The following ZC3H12B variants were observed in gnomAD, a reference collection of about 807,000 sequenced individuals.
ZC3H12B encodes probable ribonuclease ZC3H12B.
In ZC3H12B, 7 loss-of-function variants were observed where a neutral mutation model predicts 43.9. That is an observed-to-expected ratio of 0.16 (90% CI 0.09 to 0.30). ZC3H12B has a LOEUF of 0.30. Ranked by LOEUF, ZC3H12B falls within the 10% of genes least tolerant of loss-of-function variation. ZC3H12B has a pLI of 1.00. For synonymous variants in ZC3H12B, 222 were observed against 241.7 expected, an observed-to-expected ratio of 0.92 and a Z score of 0.76; for missense variants, 475 against 670.2, an observed-to-expected ratio of 0.71 and a Z score of 3.22.
the ZC3H12B span, among the ~76,000 whole-genome samples, chrX:65,143,640 G>A: frequency 9.3e-6 from 1 of 107,685 alleles, no homozygotes; most frequent in Non-Finnish European, 1.9e-5. Context: ...ATGGCTCACT[G>A]CAACTTCCAC....
chrX:65,359,759 A>T, the ZC3H12B span, among the ~76,000 whole-genome samples: 1 of 112,488 alleles, frequency 8.9e-6, no homozygotes, highest in Non-Finnish European at 1.9e-5. Flanking sequence ...ACAACAAACG[A>T]TTTAGAATAT....
the ZC3H12B span, among the ~76,000 whole-genome samples, chrX:65,132,026 T>C: frequency 2.9e-4 from 32 of 111,791 alleles, no homozygotes; most frequent in Non-Finnish European, 5.5e-4. Context: ...CTTGTGGCAG[T>C]ACAGCCCAGG....
At chrX:65,087,074 G>A in the ZC3H12B span, among the ~76,000 whole-genome samples, 1 of 110,229 alleles carries the variant, frequency 9.1e-6, no homozygotes, top group African/African-American at 3.3e-5. Context: ...CTTCTCTTTA[G>A]GTCTGCTCTC....
the ZC3H12B span, among the ~76,000 whole-genome samples, chrX:65,246,531 C>T: frequency 8.9e-6 from 1 of 111,739 alleles, no homozygotes; most frequent in African/African-American, 3.3e-5. Context: ...CTACAGCAAC[C>T]AAAACAGCCT....
chrX:65,221,812 TA>T, the ZC3H12B span, among the ~76,000 whole-genome samples: 3 of 108,896 alleles, frequency 2.8e-5, no homozygotes, highest in Non-Finnish European at 3.8e-5. Context: ...CCACAAGATA[TA>T]AAAAAAAGGA....
intron 3 of ZC3H12B, chrX:65,408,426 C>A (rs763660930): frequency 2.2e-5 from 26 of 1,206,106 alleles, no homozygotes; most frequent in Non-Finnish European, 2.8e-5. Flanking sequence ...AAACAGGTGA[C>A]CATGGCAGAG....
intron 3 of ZC3H12B, among the ~76,000 whole-genome samples, chrX:65,453,035 A>G (rs2067541661): frequency 9.1e-6 from 1 of 110,474 alleles, no homozygotes; most frequent in African/African-American, 3.3e-5. Flanking sequence ...AAGAGCCCAC[A>G]TAGCCAATGC....
chrX:65,055,385 C>T, the ZC3H12B span, among the ~76,000 whole-genome samples: 3 of 111,736 alleles, frequency 2.7e-5, no homozygotes, highest in African/African-American at 6.5e-5. Context: ...TGCTGGATTA[C>T]GTTTACTGAT....
the ZC3H12B span, among the ~76,000 whole-genome samples, chrX:65,211,460 A>C: frequency 9.3e-6 from 1 of 107,021 alleles, no homozygotes; most frequent in African/African-American, 3.4e-5. Context: ...AAATTCTTTA[A>C]TATGCATTAT....
chrX:65,433,702 TAC>T (rs2067189106), intron 3 of ZC3H12B, among the ~76,000 whole-genome samples: 1 of 112,101 alleles, frequency 8.9e-6, no homozygotes, highest in Non-Finnish European at 1.9e-5. Context: ...TTACCCAATG[TAC>T]AGTTTCCCTG....
chrX:65,394,521 G>A, intron 2 of ZC3H12B, among the ~76,000 whole-genome samples: 1 of 111,840 alleles, frequency 8.9e-6, no homozygotes, highest in Non-Finnish European at 1.9e-5. Context: ...TAGATGTGTG[G>A]TGTTATTTCT....
the ZC3H12B span, among the ~76,000 whole-genome samples, chrX:65,250,687 GTGA>G: frequency 1.8e-5 from 2 of 112,208 alleles, no homozygotes; most frequent in African/African-American, 3.2e-5. Flanking sequence ...CTGATGGCCA[GTGA>G]TGATGAGCAT....
the ZC3H12B span, among the ~76,000 whole-genome samples, chrX:65,291,853 A>G: frequency 8.9e-6 from 1 of 112,189 alleles, no homozygotes; most frequent in Non-Finnish European, 1.9e-5. Context: ...TGCTAACACT[A>G]ATTAAAAGAA....
chrX:65,326,815 T>A, the ZC3H12B span, among the ~76,000 whole-genome samples: 3 of 111,525 alleles, frequency 2.7e-5, no homozygotes, highest in Admixed American at 2.9e-4. Context: ...TAAAAAGAAA[T>A]GGGCTAGAAA....
chrX:65,450,303 CA>C (rs1201094322), intron 3 of ZC3H12B, among the ~76,000 whole-genome samples: 3 of 69,578 alleles, frequency 4.3e-5, no homozygotes, highest in East Asian at 4.1e-4. Context: ...GACTTCATCT[CA>C]AAAAAAAAAT....
chrX:65,420,416 A>G (rs1016166620), intron 3 of ZC3H12B, among the ~76,000 whole-genome samples: 1 of 112,371 alleles, frequency 8.9e-6, no homozygotes, highest in Non-Finnish European at 1.9e-5. Flanking sequence ...CTGCTTGTAG[A>G]ACCTACCAGA....
At chrX:65,043,450 G>C in the ZC3H12B span, among the ~76,000 whole-genome samples, 1 of 109,536 alleles carries the variant, frequency 9.1e-6, no homozygotes, top group East Asian at 2.8e-4. Context: ...AAACATCTAA[G>C]GTTTTTATAT....
At chrX:65,470,626 C>A (rs1480966961) in intron 3 of ZC3H12B, among the ~76,000 whole-genome samples, 4 of 110,958 alleles carry the variant, frequency 3.6e-5, no homozygotes, top group Non-Finnish European at 5.7e-5. Context: ...CGAAGAAATA[C>A]AAGAGGGGCT....
chrX:65,276,626 A>T, the ZC3H12B span, among the ~76,000 whole-genome samples: 1 of 111,889 alleles, frequency 8.9e-6, no homozygotes, highest in African/African-American at 3.2e-5. Flanking sequence ...AAGGAGAAAT[A>T]AAATATTCCA....
Sources: gnomAD v4.1 joint callset for allele counts (sites outside exome capture counted in the v4.1 genomes callset) on GRCh38, gnomAD v4.1.1 for gene constraint, MANE v1.5 for transcripts, NCBI Gene and HGNC (gene_info 2026-07-23, HGNC 2026-07-21) for gene names.